The following NTRK1 variants were observed in gnomAD, a reference collection of about 807,000 sequenced individuals.
The protein encoded by NTRK1 is high affinity nerve growth factor receptor.
A neutral mutation model predicts 86.8 loss-of-function variants in NTRK1; 62 were observed. That is an observed-to-expected ratio of 0.71 (90% confidence interval 0.58 to 0.88). NTRK1 has a LOEUF of 0.88. NTRK1 is among the 40% of genes least tolerant of loss of function. The pLI is 0.00. For missense variants in NTRK1, 967 were observed against 1,078.4 expected, an observed-to-expected ratio of 0.90 and a Z score of 1.45; for synonymous variants, 469 against 456.6, an observed-to-expected ratio of 1.03 and a Z score of -0.35.
chr1:156,845,503 C>G, intron 2 of NTRK1: 2 of 1,493,566 alleles, frequency 1.3e-6, no homozygotes, highest in Non-Finnish European at 1.8e-6. Flanking sequence ...GCACCCACAA[C>G]CCGGGACCCG....
chr1:156,833,991 T>G (rs1169948737), intron 1 of NTRK1, among the ~76,000 whole-genome samples: 1 of 152,236 alleles, frequency 6.6e-6, no homozygotes, highest in Admixed American at 6.5e-5. Context: ...CAGATATCTC[T>G]GTGTTACTTA....
At chr1:156,863,608 G>A (rs1655785201) in intron 1 of NTRK1, among the ~76,000 whole-genome samples, 1 of 152,092 alleles carries the variant, frequency 6.6e-6, no homozygotes, top group Non-Finnish European at 1.5e-5. Context: ...TGGAGTAGGG[G>A]TTGCTGCTTG....
At chr1:156,821,343 T>C (rs544490521) in intron 1 of NTRK1, among the ~76,000 whole-genome samples, 78 of 152,318 alleles carry the variant, frequency 5.1e-4, no homozygotes, top group Non-Finnish European at 1.0e-3. Context: ...CTTTCCCTTG[T>C]CTGATTGCTT....
Position 156,864,735 on chromosome 1 carries a change from G to A in NTRK1, c.295G>A (p.Val99Met), listed in dbSNP as rs201509045. 129 of 1,614,052 alleles carry A rather than the reference G, an allele frequency of 8.0e-5. No homozygotes were observed. The East Asian group carries it at 8.7e-4, about 11-fold the overall frequency. The part of the protein sequence containing the change: ...GLGELRNLTI[V>M]KSGLRFVAPD... ...TCCTGCACCCCTCCCCAGCACCATC[G>A]TGAAGAGTGGTCTCCGTTTCGTGGC... is the stretch of plus-strand genomic sequence containing the variant. The change falls in exon 3 of 17, where the codon GTG becomes ATG. Residue 99 changes from valine to methionine, a missense_variant. This residue lies in a region of NTRK1 where 330 missense variants were observed against 302.0 expected (regional missense o/e 1.09). Transcript: ENST00000524377.
chr1:156,824,241 T>C (rs978948254), intron 1 of NTRK1, among the ~76,000 whole-genome samples: 2 of 152,240 alleles, frequency 1.3e-5, no homozygotes, highest in Non-Finnish European at 2.9e-5. Flanking sequence ...ACCAGCTATA[T>C]GCTTGCAGCT....
chr1:156,845,637 T>C, intron 2 of NTRK1: 1 of 1,501,022 alleles, frequency 6.7e-7, no homozygotes, highest in Non-Finnish European at 9.0e-7. Flanking sequence ...GGTGATCGCG[T>C]TGTGTAGAAA....
rs1388254379 is a variant in NTRK1, at chr1:156,843,087, C to A, written c.50+894C>A. 3.1e-6 allele frequency: 5 copies of A among 1,614,206 alleles called. No individual in the cohort carries two copies. The Admixed American group carries it at 8.3e-5, about 27-fold the overall frequency. On this transcript the variant is annotated intron_variant, in intron 2 of 16. Transcript: ENST00000392302. ...TCCCGTGGGCTGGCCAGCTCATTCACCGTCTTCAGGGCCACGGGTGTGGAC... is the reference window on the plus strand; with the variant it reads ...TCCCGTGGGCTGGCCAGCTCATTCAACGTCTTCAGGGCCACGGGTGTGGAC...
intron 2 of NTRK1, chr1:156,843,075 C>T: frequency 1.2e-6 from 2 of 1,614,176 alleles, no homozygotes; most frequent in Non-Finnish European, 1.7e-6. Context: ...CGTGGGCTGG[C>T]CAGCTCATTC....
intron 2 of NTRK1, chr1:156,848,899 C>T: frequency 1.9e-6 from 3 of 1,551,572 alleles, no homozygotes; most frequent in Non-Finnish European, 2.6e-6. Context: ...GCCCCCGCTC[C>T]GGCCCCGCCC....
chr1:156,849,353 G>T (rs767047555), intron 2 of NTRK1: 2 of 1,613,882 alleles, frequency 1.2e-6, no homozygotes, highest in Non-Finnish European at 1.7e-6. Flanking sequence ...GCAGAGGCGC[G>T]GGTTGAAGGC....
chr1:156,852,172 C>T, intron 2 of NTRK1: 1 of 1,602,256 alleles, frequency 6.2e-7, no homozygotes, highest in Non-Finnish European at 8.5e-7. Context: ...TGCAAGCCAT[C>T]CCATGGGGGC....
intron 8 of NTRK1, chr1:156,874,165 G>A (rs890748225): frequency 6.7e-5 from 60 of 890,316 alleles, no homozygotes; most frequent in East Asian, 1.6e-4. Flanking sequence ...CGTCCTTGTC[G>A]GCTGGCTGAG....
intron 4 of NTRK1, among the ~76,000 whole-genome samples, chr1:156,867,656 CT>C (rs71722671): frequency 0.036 from 5,415 of 149,626 alleles, 154 homozygotes; most frequent in East Asian, 0.091. Flanking sequence ...TTCTTTCTTT[CT>C]TTTCTTTTCT....
At chr1:156,865,498 C>T (rs952602569) in intron 3 of NTRK1, among the ~76,000 whole-genome samples, 6 of 152,178 alleles carry the variant, frequency 3.9e-5, no homozygotes, top group Admixed American at 6.5e-5. Flanking sequence ...GCTCACTCAC[C>T]GCTGCTCACC....
At chr1:156,871,958 G>T (rs1354129636) in intron 7 of NTRK1, among the ~76,000 whole-genome samples, 2 of 152,158 alleles carry the variant, frequency 1.3e-5, no homozygotes, top group Non-Finnish European at 2.9e-5. Context: ...GATGGAGATG[G>T]ATTTCTTTCT....
chr1:156,836,336 C>T (rs541601868), intron 1 of NTRK1, among the ~76,000 whole-genome samples: 2 of 152,288 alleles, frequency 1.3e-5, no homozygotes, highest in East Asian at 1.9e-4. Context: ...TGCATAGGGA[C>T]GTTTCTGAGT....
chr1:156,846,130 G>A, intron 2 of NTRK1: 4 of 1,576,138 alleles, frequency 2.5e-6, no homozygotes, highest in Non-Finnish European at 2.6e-6. Flanking sequence ...CTAGGAGTGC[G>A]AGAAGGATGC....
chr1:156,816,852 G>A (rs530054489), intron 1 of NTRK1: 60 of 665,990 alleles, frequency 9.0e-5, no homozygotes, highest in Admixed American at 7.1e-4. Flanking sequence ...TAGTTCTGGC[G>A]AGGACTCACG....
At chr1:156,869,229 G>A (rs1025490943) in intron 6 of NTRK1, among the ~76,000 whole-genome samples, 32 of 151,972 alleles carry the variant, frequency 2.1e-4, no homozygotes, top group African/African-American at 5.6e-4. Context: ...ACAGGCACGC[G>A]CCACCATGCC....
Sources: gnomAD v4.1 joint callset for allele counts (sites outside exome capture counted in the v4.1 genomes callset) on GRCh38, gnomAD v4.1.1 for gene constraint, gnomAD v4.1.1 regional missense constraint, MANE v1.5 for transcripts, NCBI Gene and HGNC (gene_info 2026-07-23, HGNC 2026-07-21) for gene names.